CADM2: variants seen among roughly 807,000 people sequenced by gnomAD.
CADM2 encodes the protein immunoglobulin superfamily member 4D.
CADM2 carries 12 observed loss-of-function variants against 49.8 expected under a neutral mutation model. The ratio of observed to expected loss-of-function variants is 0.24; its 90% CI spans 0.15 to 0.39. The LOEUF is 0.39. Among genes scored for constraint, CADM2 ranks in the 10% least tolerant of loss-of-function variants. CADM2 has a pLI of 1.00. For synonymous variants in CADM2, 214 were observed against 175.4 expected (o/e 1.22, Z -1.74); for missense variants, 378 against 492.3 (o/e 0.77, Z 2.20).
intron 1 of CADM2, among the ~76,000 whole-genome samples, chr3:85,588,139 A>G (rs1221986108): frequency 1.3e-5 from 2 of 152,056 alleles, no homozygotes; most frequent in Non-Finnish European, 2.9e-5. Context: ...GTCACAGAAA[A>G]TGATGCATCT....
intron 1 of CADM2, among the ~76,000 whole-genome samples, chr3:85,168,672 C>T (rs1390069171): frequency 6.6e-6 from 1 of 151,936 alleles, no homozygotes; most frequent in Non-Finnish European, 1.5e-5. Flanking sequence ...ATACTTTCAC[C>T]CAAGCCAATA....
At chr3:86,050,578 G>T (rs1737215242) in intron 8 of CADM2, among the ~76,000 whole-genome samples, 1 of 152,204 alleles carries the variant, frequency 6.6e-6, no homozygotes, top group African/African-American at 2.4e-5. Context: ...GGCCACTGAA[G>T]CAGGCTTCTG....
intron 1 of CADM2, among the ~76,000 whole-genome samples, chr3:85,049,717 C>G (rs1211064637): frequency 6.6e-6 from 1 of 152,036 alleles, no homozygotes; most frequent in Non-Finnish European, 1.5e-5. Flanking sequence ...TGCATAGAAT[C>G]TATATTTAGA....
intron 1 of CADM2, among the ~76,000 whole-genome samples, chr3:85,679,424 G>A: frequency 6.6e-6 from 1 of 152,114 alleles, no homozygotes; most frequent in East Asian, 1.9e-4. Context: ...ATGTATATAA[G>A]TCTTTTCTCT....
intron 8 of CADM2, among the ~76,000 whole-genome samples, chr3:85,968,049 G>T (rs930949164): frequency 6.6e-6 from 1 of 151,522 alleles, no homozygotes; most frequent in Non-Finnish European, 1.5e-5. Flanking sequence ...AAAAAGGATG[G>T]AAAAGGCATC....
At chr3:85,983,105 A>C (rs941708170) in intron 8 of CADM2, among the ~76,000 whole-genome samples, 5 of 151,762 alleles carry the variant, frequency 3.3e-5, no homozygotes, top group Non-Finnish European at 7.4e-5. Flanking sequence ...ATGTTAAACC[A>C]ATTTAAAATA....
At chr3:85,911,513 T>G (rs1717585260) in intron 5 of CADM2, among the ~76,000 whole-genome samples, 1 of 152,204 alleles carries the variant, frequency 6.6e-6, no homozygotes, top group South Asian at 2.1e-4. Flanking sequence ...ACTGCAAATA[T>G]ATACTTAAGT....
chr3:85,811,450 T>G (rs974069277), intron 3 of CADM2, among the ~76,000 whole-genome samples: 1 of 152,208 alleles, frequency 6.6e-6, no homozygotes, highest in African/African-American at 2.4e-5. Context: ...TTGCTGATCA[T>G]CTACTGTGTG....
rs114171648 is a variant in CADM2, at chr3:85,354,056, C to T, written c.62-372466C>T. 3.5e-3 allele frequency among the ~76,000 whole-genome samples: 535 copies of T among 151,776 alleles called. 3 individuals carry two copies. Among genetic ancestry groups the T allele is most frequent in the African/African-American group, 0.012 (482 of 41,408 alleles). ...AGCTTATTAGGAATAGAACTGACTA[C>T]AAGAGTTTGTTTAAAAGAGTATGAC... On this transcript the variant is annotated intron_variant, in intron 1 of 9. Transcript: ENST00000383699.
intron 1 of CADM2, among the ~76,000 whole-genome samples, chr3:85,076,056 T>C (rs2036928967): frequency 1.3e-5 from 2 of 150,904 alleles, no homozygotes; most frequent in South Asian, 4.2e-4. Context: ...TTCCAGATTC[T>C]GCAACTTCAA....
intron 1 of CADM2, among the ~76,000 whole-genome samples, chr3:85,297,849 G>C (rs1430672045): frequency 6.6e-6 from 1 of 151,958 alleles, no homozygotes; most frequent in Admixed American, 6.6e-5. Context: ...TCAAGGGCAA[G>C]GAATTTGTCC....
intron 1 of CADM2, among the ~76,000 whole-genome samples, chr3:85,504,218 C>A (rs961207709): frequency 6.6e-6 from 1 of 151,778 alleles, no homozygotes; most frequent in African/African-American, 2.4e-5. Flanking sequence ...TGCAGACCTT[C>A]GCGGTGAGTG....
intron 1 of CADM2, among the ~76,000 whole-genome samples, chr3:85,436,578 T>G (rs2036942024): frequency 6.6e-6 from 1 of 152,178 alleles, no homozygotes; most frequent in Admixed American, 6.6e-5. Flanking sequence ...TATTTTGATA[T>G]AGTTTTCTTT....
chr3:85,470,200 AT>A (rs1409394358), intron 1 of CADM2, among the ~76,000 whole-genome samples: 1 of 152,222 alleles, frequency 6.6e-6, no homozygotes, highest in East Asian at 1.9e-4. Context: ...AAAACTTGTT[AT>A]GGATACAAAC....
At chr3:85,474,634 G>A (rs2038905288) in intron 1 of CADM2, among the ~76,000 whole-genome samples, 1 of 151,676 alleles carries the variant, frequency 6.6e-6, no homozygotes, top group Non-Finnish European at 1.5e-5. Context: ...TTACATGTTT[G>A]AAACATGATT....
chr3:85,707,739 A>G (rs778780246), intron 1 of CADM2, among the ~76,000 whole-genome samples: 16 of 152,172 alleles, frequency 1.1e-4, no homozygotes, highest in African/African-American at 3.4e-4. Flanking sequence ...TTAAAAATAT[A>G]TATCAGTATG....
At chr3:85,092,688 T>A (rs1471089021) in intron 1 of CADM2, among the ~76,000 whole-genome samples, 3 of 152,150 alleles carry the variant, frequency 2.0e-5, no homozygotes, top group Non-Finnish European at 2.9e-5. Context: ...CTCTCACCTC[T>A]TACACAGATT....
intron 3 of CADM2, among the ~76,000 whole-genome samples, chr3:85,868,798 A>C (rs2075814559): frequency 6.6e-6 from 1 of 152,064 alleles, no homozygotes; most frequent in African/African-American, 2.4e-5. Flanking sequence ...TTTCTGAGCT[A>C]TCTCAAGTTG....
intron 1 of CADM2, among the ~76,000 whole-genome samples, chr3:85,007,445 C>T (rs772387648): frequency 2.0e-5 from 3 of 152,112 alleles, no homozygotes; most frequent in Admixed American, 1.3e-4. Context: ...GAAGGCCACC[C>T]ATGTGCCAAT....
Sources: allele counts gnomAD v4.1 joint callset (sites outside exome capture counted in the v4.1 genomes callset), GRCh38; gene constraint gnomAD v4.1.1; transcripts MANE v1.5; gene names NCBI Gene and HGNC (gene_info 2026-07-23, HGNC 2026-07-21).